KIAA1217: variants seen among roughly 807,000 people sequenced by gnomAD.
The protein encoded by KIAA1217 is sickle tail protein homolog.
KIAA1217 carries 88 observed loss-of-function variants against 163.9 expected under a neutral mutation model. The ratio of observed to expected loss-of-function variants is 0.54; its 90% CI spans 0.45 to 0.64. The LOEUF (loss-of-function observed/expected upper bound fraction) is 0.64, where lower values mean the gene tolerates loss of function less well. KIAA1217 is among the 30% of genes least tolerant of loss of function. The pLI is 0.00. For synonymous variants in KIAA1217, 903 were observed against 923.1 expected (o/e 0.98, Z 0.39); for missense variants, 2,372 against 2,475.0 (o/e 0.96, Z 0.88).
In KIAA1217 at chr10:24,019,517, A is replaced by G. The variant is rs576754996; in HGVS notation, c.-171+12143A>G. On this transcript the variant is annotated intron_variant, in intron 2 of 18. Transcript: ENST00000376462. Reference sequence around the variant, plus strand: ...AAATATAGTGGGGAAGATAGAACACATTTCAGATTGAAGATTTGGGGCAGG... The same window carrying G: ...AAATATAGTGGGGAAGATAGAACACGTTTCAGATTGAAGATTTGGGGCAGG... Among the ~76,000 whole-genome samples the G allele has an allele frequency of 9.2e-5, 14 of 152,036 alleles. No individual in the cohort carries two copies. The South Asian group carries it at 2.7e-3, about 29-fold the overall frequency.
chr10:24,523,247 A>G (rs1201372960), intron 12 of KIAA1217, among the ~76,000 whole-genome samples: 2 of 152,076 alleles, frequency 1.3e-5, no homozygotes, highest in African/African-American at 2.4e-5. Context: ...TCTTGAACGT[A>G]AGAGTTTGAG....
intron 2 of KIAA1217, among the ~76,000 whole-genome samples, chr10:24,192,298 G>A (rs1331911735): frequency 6.6e-6 from 1 of 152,208 alleles, no homozygotes; most frequent in Non-Finnish European, 1.5e-5. Context: ...CAGAGACAAG[G>A]ATGCTCCTTT....
At chr10:24,064,990 A>C (rs1185915595) in intron 2 of KIAA1217, among the ~76,000 whole-genome samples, 13 of 151,888 alleles carry the variant, frequency 8.6e-5, no homozygotes, top group South Asian at 4.2e-4. Context: ...TGGTGATATC[A>C]CCTTTGTCAT....
At chr10:24,108,665 A>G (rs2062722442) in intron 2 of KIAA1217, among the ~76,000 whole-genome samples, 2 of 152,226 alleles carry the variant, frequency 1.3e-5, no homozygotes, top group African/African-American at 4.8e-5. Flanking sequence ...ACTTTCAAGA[A>G]GCAGCTATTA....
intron 1 of KIAA1217, among the ~76,000 whole-genome samples, chr10:23,834,015 C>A (rs1392464068): frequency 6.6e-6 from 1 of 151,892 alleles, no homozygotes; most frequent in Non-Finnish European, 1.5e-5. Context: ...TTTGTTTTGA[C>A]TGTTTCATAA....
At chr10:23,848,587 T>A (rs1839155489) in intron 1 of KIAA1217, among the ~76,000 whole-genome samples, 1 of 152,004 alleles carries the variant, frequency 6.6e-6, no homozygotes, top group African/African-American at 2.4e-5. Flanking sequence ...CTGGCCCAAA[T>A]CATGGGTCTC....
chr10:24,278,029 G>A (rs2077499189), intron 2 of KIAA1217, among the ~76,000 whole-genome samples: 1 of 152,218 alleles, frequency 6.6e-6, no homozygotes, highest in Non-Finnish European at 1.5e-5. Flanking sequence ...CGCACAGTCT[G>A]TGCAGCTCGA....
chr10:24,083,116 G>A (rs1421680790), intron 2 of KIAA1217, among the ~76,000 whole-genome samples: 2 of 152,136 alleles, frequency 1.3e-5, no homozygotes, highest in Non-Finnish European at 2.9e-5. Context: ...CATCTTGGCT[G>A]CCGTTTTGTA....
chr10:24,020,347 A>G (rs2131511504), intron 2 of KIAA1217, among the ~76,000 whole-genome samples: 1 of 152,238 alleles, frequency 6.6e-6, no homozygotes, highest in South Asian at 2.1e-4. Flanking sequence ...TAAAAACCAC[A>G]CTAAGTAGCA....
intron 2 of KIAA1217, among the ~76,000 whole-genome samples, chr10:24,359,283 G>A (rs2049621111): frequency 6.6e-6 from 1 of 151,732 alleles, no homozygotes; most frequent in South Asian, 2.1e-4. Flanking sequence ...TGTAAATACG[G>A]AGTCTCAGCA....
chr10:24,489,667 G>T (rs2065854334), intron 6 of KIAA1217, among the ~76,000 whole-genome samples: 1 of 151,784 alleles, frequency 6.6e-6, no homozygotes, highest in Non-Finnish European at 1.5e-5. Flanking sequence ...ATCAAGACCA[G>T]CCTGGGCAAC....
intron 2 of KIAA1217, among the ~76,000 whole-genome samples, chr10:24,072,921 C>A: frequency 6.6e-6 from 1 of 151,912 alleles, no homozygotes; most frequent in Middle Eastern, 3.4e-3. Context: ...AACTGGGCAT[C>A]ATGGTGCATG....
At chr10:24,267,039 G>T (rs568382735) in intron 2 of KIAA1217, among the ~76,000 whole-genome samples, 1 of 152,324 alleles carries the variant, frequency 6.6e-6, no homozygotes, top group Admixed American at 6.5e-5. Context: ...CCTATGGCTA[G>T]ATGGCAGGAA....
chr10:24,040,435 T>C (rs1011466903), intron 2 of KIAA1217, among the ~76,000 whole-genome samples: 1 of 152,218 alleles, frequency 6.6e-6, no homozygotes, highest in Admixed American at 6.5e-5. Context: ...TGAAGACACC[T>C]GAAGAAGCAT....
intron 1 of KIAA1217, among the ~76,000 whole-genome samples, chr10:23,702,971 C>T (rs1836573846): frequency 6.6e-6 from 1 of 152,028 alleles, no homozygotes; most frequent in Admixed American, 6.6e-5. Flanking sequence ...TGTGATCCGC[C>T]CGCCTCGGCC....
chr10:23,972,183 C>T (rs552538754), intron 1 of KIAA1217, among the ~76,000 whole-genome samples: 2 of 152,286 alleles, frequency 1.3e-5, no homozygotes, highest in East Asian at 3.9e-4. Flanking sequence ...TTCATGTCAA[C>T]CATTGTGGAA....
chr10:24,054,850 T>C (rs1043947454), intron 2 of KIAA1217, among the ~76,000 whole-genome samples: 1 of 152,172 alleles, frequency 6.6e-6, no homozygotes, highest in Non-Finnish European at 1.5e-5. Flanking sequence ...TATCTGTACA[T>C]CTAAACATAG....
At chr10:23,955,651 A>C (rs983348519) in intron 1 of KIAA1217, among the ~76,000 whole-genome samples, 1 of 152,192 alleles carries the variant, frequency 6.6e-6, no homozygotes, top group Non-Finnish European at 1.5e-5. Flanking sequence ...GGAGGAGATT[A>C]AGGCATTTGA....
chr10:23,986,218 C>T (rs1050261152), intron 1 of KIAA1217, among the ~76,000 whole-genome samples: 17 of 152,182 alleles, frequency 1.1e-4, no homozygotes, highest in Non-Finnish European at 1.8e-4. Context: ...GGACAGGGAC[C>T]TTTCAGGTCC....
Sources: gnomAD v4.1 joint callset for allele counts (sites outside exome capture counted in the v4.1 genomes callset) on GRCh38, gnomAD v4.1.1 for gene constraint, MANE v1.5 for transcripts, NCBI Gene and HGNC (gene_info 2026-07-23, HGNC 2026-07-21) for gene names.